Variants in POMGNT2 observed in about 807,000 individuals in gnomAD.
The protein encoded by POMGNT2 is protein O-linked-mannose beta-1,4-N-acetylglucosaminyltransferase 2.
Under a neutral mutation model 37.8 loss-of-function variants are expected in POMGNT2, and 32 were observed. The ratio of observed to expected loss-of-function variants is 0.85; its 90% CI spans 0.64 to 1.14. The LOEUF (loss-of-function observed/expected upper bound fraction) is 1.14, where lower values mean the gene tolerates loss of function less well. Among genes scored for constraint, POMGNT2 ranks in the 50% most tolerant of loss-of-function variants. The probability of loss-of-function intolerance (pLI) is 0.00; values close to 1 mark genes in which losing one functional copy is unlikely to be tolerated. For synonymous variants in POMGNT2, 340 were observed against 336.8 expected (o/e 1.01, Z -0.10); for missense variants, 705 against 780.6 (o/e 0.90, Z 1.15).
In POMGNT2 at chr3:43,079,845, C is replaced by A; in HGVS notation, c.1587G>T (p.Gln529His). ...TGTAAGGCACGTAGGTGTTCTCCCC[C>A]TGCTCCTGCAGCCACACCTCGTACT... is the stretch of plus-strand genomic sequence containing the variant. ...EVKYEVWLQE[Q>H]GENTYVPYIL... The change falls in exon 2 of 2, where the codon CAG becomes CAT. Residue 529 changes from glutamine to histidine, a missense_variant. Gln to His is a conservative substitution (Grantham distance 24). Coordinates refer to ENST00000344697, the MANE Select transcript of POMGNT2 (RefSeq NM_032806.6). The A allele has an allele frequency of 1.2e-6, 2 of 1,614,214 alleles. No homozygotes were observed. The highest frequency in any genetic ancestry group is 2.2e-5 in the South Asian group (2 of 91,086).
chr3:43,089,587 CAG>C (rs2089926281), intron 1 of POMGNT2, among the ~76,000 whole-genome samples: 1 of 152,068 alleles, frequency 6.6e-6, no homozygotes, highest in East Asian at 1.9e-4. Context: ...CTCCCAAGCT[CAG>C]AGTCTCCCCA....
At chr3:43,095,330 T>A (rs564625316) in intron 1 of POMGNT2, among the ~76,000 whole-genome samples, 6 of 152,334 alleles carry the variant, frequency 3.9e-5, no homozygotes, top group Non-Finnish European at 8.8e-5. Flanking sequence ...CGGGTGGGCA[T>A]GAAGGTCCAA....
At chr3:43,092,149 T>C (rs763594669) in intron 1 of POMGNT2, among the ~76,000 whole-genome samples, 1 of 152,232 alleles carries the variant, frequency 6.6e-6, no homozygotes. Context: ...GATCATTACA[T>C]TGTGCTCTGT....
intron 1 of POMGNT2, among the ~76,000 whole-genome samples, chr3:43,089,954 A>G (rs866781773): frequency 2.6e-5 from 4 of 152,032 alleles, no homozygotes; most frequent in African/African-American, 4.8e-5. Context: ...CGGGCTGAGA[A>G]CTTCTGGGCC....
chr3:43,094,721 C>G (rs970422414), intron 1 of POMGNT2, among the ~76,000 whole-genome samples: 3 of 152,242 alleles, frequency 2.0e-5, no homozygotes, highest in East Asian at 1.9e-4. Flanking sequence ...TGCCCCACTT[C>G]ATCTGTCTCC....
intron 1 of POMGNT2, among the ~76,000 whole-genome samples, chr3:43,096,496 T>C (rs2089980872): frequency 6.6e-6 from 1 of 152,310 alleles, no homozygotes; most frequent in South Asian, 2.1e-4. Flanking sequence ...GCTAAGTAAA[T>C]GTGTCCAAGT....
chr3:43,079,580 C>A lies in POMGNT2; in HGVS notation c.*109G>T. The A allele has an allele frequency of 2.1e-6, 2 of 969,116 alleles. No individual in the cohort carries two copies. Among genetic ancestry groups the A allele is most frequent in the South Asian group, 1.7e-5 (1 of 60,220 alleles). The allele number at this position is 969,116 out of a possible 1,614,324, so 60.0% of individuals were successfully genotyped here. ...GAGACAACAAGATGATGTGGAGGCACAGGCCTGCTCAATAAATAGTTCCCA... is the reference window on the plus strand; with the variant it reads ...GAGACAACAAGATGATGTGGAGGCAAAGGCCTGCTCAATAAATAGTTCCCA... On this transcript the variant is annotated 3_prime_UTR_variant, in exon 2 of 2. Coordinates refer to ENST00000344697, the MANE Select transcript of POMGNT2 (RefSeq NM_032806.6).
chr3:43,092,176 G>A (rs2089948921), intron 1 of POMGNT2, among the ~76,000 whole-genome samples: 1 of 152,054 alleles, frequency 6.6e-6, no homozygotes, highest in African/African-American at 2.4e-5. Flanking sequence ...TTATTAGTAG[G>A]GGAAGTGGGG....
chr3:43,099,100 G>A (rs922182177), intron 1 of POMGNT2, among the ~76,000 whole-genome samples: 2 of 152,028 alleles, frequency 1.3e-5, no homozygotes, highest in African/African-American at 2.4e-5. Flanking sequence ...TGGAGAACAC[G>A]CCTACACCAG....
chr3:43,093,129 GATA>G (rs1306646082), intron 1 of POMGNT2, among the ~76,000 whole-genome samples: 1 of 152,234 alleles, frequency 6.6e-6, no homozygotes, highest in African/African-American at 2.4e-5. Flanking sequence ...AGCAGGTGGG[GATA>G]TGGGGCAGTG....
At chr3:43,105,437 A>G (rs1015862487) in intron 1 of POMGNT2, among the ~76,000 whole-genome samples, 1 of 145,130 alleles carries the variant, frequency 6.9e-6, no homozygotes, top group East Asian at 2.1e-4. Flanking sequence ...GTGGCTCCCC[A>G]CCACCCCCGC....
chr3:43,099,539 TGC>T (rs1261863001), intron 1 of POMGNT2, among the ~76,000 whole-genome samples: 3 of 152,344 alleles, frequency 2.0e-5, no homozygotes, highest in South Asian at 4.1e-4. Context: ...CAAAGCCATG[TGC>T]AGTTCAGTGG....
Position 43,080,219 on chromosome 3 carries a change from GGT to G in POMGNT2, c.1211_1212del (p.His404ProfsTer2). On this transcript the variant is annotated frameshift_variant, in exon 2 of 2. Transcript: ENST00000344697. LOFTEE classifies it high-confidence loss of function. ...CCCCCCTGATCCCAGGGCCGCTCAG[GGT>G]GTGTGACTGTGTTCTCTGGCATCAT... ...RNMMPENTVT[H>X]PERPWDQGGI... is the part of the protein sequence containing the mutation. 1.2e-6 allele frequency: 2 copies of G among 1,614,146 alleles called. No homozygotes were observed. The highest frequency in any genetic ancestry group is 1.7e-5 in the Admixed American group (1 of 60,028).
chr3:43,081,713 T>G (rs1213822116), intron 1 of POMGNT2, among the ~76,000 whole-genome samples, 177 bp from the exon 2 acceptor site: 1 of 152,204 alleles, frequency 6.6e-6, no homozygotes, highest in African/African-American at 2.4e-5. Context: ...TTTAAAATAT[T>G]CTCTCCCTCC....
chr3:43,099,175 T>C (rs2089999863), intron 1 of POMGNT2, among the ~76,000 whole-genome samples: 1 of 152,080 alleles, frequency 6.6e-6, no homozygotes, highest in Admixed American at 6.5e-5. Context: ...CAGACCCCAG[T>C]GTGTACACAA....
At chr3:43,089,679 C>T (rs754494613) in intron 1 of POMGNT2, among the ~76,000 whole-genome samples, 2 of 152,136 alleles carry the variant, frequency 1.3e-5, no homozygotes, top group African/African-American at 2.4e-5. Flanking sequence ...GTGGGTCACA[C>T]TCTGCATGAA....
chr3:43,099,236 A>G (rs1371819138), intron 1 of POMGNT2, among the ~76,000 whole-genome samples: 1 of 152,186 alleles, frequency 6.6e-6, no homozygotes, highest in Non-Finnish European at 1.5e-5. Flanking sequence ...TGATCAAGAG[A>G]GCCAAAAACA....
At position 43,080,932 on chromosome 3, in the gene POMGNT2, A is replaced by T. The variant is rs1245060224; in HGVS notation, c.500T>A (p.Val167Asp). 3 of 1,614,024 alleles carry T rather than the reference A, an allele frequency of 1.9e-6. No homozygotes were observed. The highest frequency in any genetic ancestry group is 2.5e-6 in the Non-Finnish European group (3 of 1,180,026). ...GAGTGGCAGCAGGTCGTCATGAAAG[A>T]CGTGCATGAGGTTGTCGGGGTTGAA... ...NRFNPDNLMH[V>D]FHDDLLPLFY... Residue 167 changes from valine to aspartate, a missense_variant, in exon 2 of 2, where the codon GTC becomes GAC. Val to Asp is a radical substitution (Grantham distance 152). Coordinates refer to ENST00000344697, the MANE Select transcript of POMGNT2 (RefSeq NM_032806.6).
Position 43,080,193 on chromosome 3 carries a change from G to A in POMGNT2, c.1239C>T (p.Gly413=), listed in dbSNP as rs1292637700. Residue 413 remains glycine, a synonymous_variant, in exon 2 of 2, where the codon GGC becomes GGT. Coordinates refer to ENST00000344697, the MANE Select transcript of POMGNT2 (RefSeq NM_032806.6). ...GCTCAGCCCGGTCCAGATGGGTGAT[G>A]CCCCCCTGATCCCAGGGCCGCTCAG... ...THPERPWDQG[G]ITHLDRAEQA... is the part of the protein sequence containing the mutation. 3.1e-6 allele frequency: 5 copies of A among 1,613,820 alleles called. No homozygotes were observed. The African/African-American group carries it at 5.3e-5, about 17-fold the overall frequency.
Sources: allele counts gnomAD v4.1 joint callset (sites outside exome capture counted in the v4.1 genomes callset), GRCh38; gene constraint gnomAD v4.1.1; transcripts MANE v1.5; gene names NCBI Gene and HGNC (gene_info 2026-07-23, HGNC 2026-07-21).